Variants in SHISA6 observed in about 807,000 individuals in gnomAD.
SHISA6 encodes protein shisa-6.
Under a neutral mutation model 47.9 loss-of-function variants are expected in SHISA6, and 22 were observed. The ratio of observed to expected loss-of-function variants is 0.46; its 90% CI spans 0.33 to 0.66. SHISA6 has a LOEUF of 0.66. SHISA6 is among the 30% of genes least tolerant of loss of function. SHISA6 has a pLI of 0.02. For missense variants in SHISA6, 680 were observed against 764.6 expected, an observed-to-expected ratio of 0.89 and a Z score of 1.30; for synonymous variants, 388 against 337.8, an observed-to-expected ratio of 1.15 and a Z score of -1.63.
chr17:11,465,675 C>T (rs56198258), intron 3 of SHISA6, among the ~76,000 whole-genome samples: 40,441 of 152,044 alleles, frequency 0.27, 5,557 homozygotes, highest in Middle Eastern at 0.37. Context: ...TCCTGGCCCT[C>T]CTCTGCCTGA....
chr17:11,404,042 T>C (rs766518478), intron 3 of SHISA6, among the ~76,000 whole-genome samples: 1 of 152,082 alleles, frequency 6.6e-6, no homozygotes, highest in Non-Finnish European at 1.5e-5. Flanking sequence ...GAGGTACTGC[T>C]CAAGAACTAG....
intron 3 of SHISA6, among the ~76,000 whole-genome samples, chr17:11,405,179 T>A (rs577563367): frequency 5.9e-5 from 9 of 152,348 alleles, no homozygotes; most frequent in Non-Finnish European, 1.3e-4. Context: ...AAGATAATCC[T>A]GATACACAAC....
chr17:11,348,616 C>G (rs895277564), intron 2 of SHISA6, among the ~76,000 whole-genome samples: 1 of 151,932 alleles, frequency 6.6e-6, no homozygotes, highest in Non-Finnish European at 1.5e-5. Flanking sequence ...AGTTTTATTC[C>G]TTTTATTCTA....
At chr17:11,410,612 T>C (rs1914086745) in intron 3 of SHISA6, among the ~76,000 whole-genome samples, 1 of 137,080 alleles carries the variant, frequency 7.3e-6, no homozygotes, top group African/African-American at 2.8e-5. Context: ...TGACTGATAG[T>C]GTCACTATGG....
At chr17:11,539,563 G>A (rs989314134) in intron 3 of SHISA6, among the ~76,000 whole-genome samples, 6 of 152,210 alleles carry the variant, frequency 3.9e-5, no homozygotes, top group Non-Finnish European at 8.8e-5. Flanking sequence ...CAAACGTGAG[G>A]AAACTCACTG....
rs143486981 is a variant in SHISA6, at chr17:11,500,711, T to C, written c.896-51185T>C. Among the ~76,000 whole-genome samples the C allele has an allele frequency of 8.2e-3, 1,252 of 152,330 alleles. 30 individuals carry two copies. Among genetic ancestry groups the C allele is most frequent in the African/African-American group, 0.028 (1,183 of 41,566 alleles). ...ATTCAAATGAAATCCCATTAAAAAT[T>C]CATTTTCTGAGTTGCATCAGCCACA... On this transcript the variant is annotated intron_variant, in intron 3 of 5. Coordinates refer to ENST00000441885, the MANE Select transcript of SHISA6 (RefSeq NM_207386.4).
rs538785764 is a variant in SHISA6 at position 11,413,176 on chromosome 17, A to G, written c.895+33667A>G. On this transcript the variant is annotated intron_variant, in intron 3 of 5. Coordinates refer to ENST00000441885, the MANE Select transcript of SHISA6 (RefSeq NM_207386.4). ...TGGATTCCATAAATCCCAGGACACT[A>G]TCTCCTTCCGGCATGTCATTCTGTG... Among the ~76,000 whole-genome samples the G allele has an allele frequency of 9.2e-5, 14 of 152,242 alleles. No individual in the cohort carries two copies. The South Asian group carries it at 2.7e-3, about 29-fold the overall frequency.
At chr17:11,491,994 C>T (rs1440414980) in intron 3 of SHISA6, among the ~76,000 whole-genome samples, 1 of 152,126 alleles carries the variant, frequency 6.6e-6, no homozygotes, top group Non-Finnish European at 1.5e-5. Context: ...TGGTCTCGAT[C>T]TCTTGACCTC....
intron 3 of SHISA6, among the ~76,000 whole-genome samples, chr17:11,445,882 C>T (rs1915215762): frequency 2.0e-5 from 3 of 152,190 alleles, no homozygotes; most frequent in Admixed American, 6.5e-5. Context: ...GGCTGGAGGG[C>T]AGTGGTGCAA....
At chr17:11,358,229 T>C (rs959251830) in intron 2 of SHISA6, among the ~76,000 whole-genome samples, 1 of 152,210 alleles carries the variant, frequency 6.6e-6, no homozygotes, top group African/African-American at 2.4e-5. Flanking sequence ...ACTCTTCTGC[T>C]TTCTTTCTCT....
chr17:11,311,736 A>G (rs902789220), intron 2 of SHISA6, among the ~76,000 whole-genome samples: 1 of 152,056 alleles, frequency 6.6e-6, no homozygotes, highest in African/African-American at 2.4e-5. Flanking sequence ...TCTTATTGCT[A>G]GAGATAGCTA....
chr17:11,487,322 C>T (rs1406959351), intron 3 of SHISA6, among the ~76,000 whole-genome samples: 4 of 152,182 alleles, frequency 2.6e-5, no homozygotes, highest in Non-Finnish European at 4.4e-5. Flanking sequence ...CCACTGAATG[C>T]GCCACCTAAA....
At chr17:11,393,761 A>G (rs1249664062) in intron 3 of SHISA6, among the ~76,000 whole-genome samples, 1 of 152,158 alleles carries the variant, frequency 6.6e-6, no homozygotes, top group Non-Finnish European at 1.5e-5. Context: ...AAAGCAAACA[A>G]GGCTCTACAT....
intron 3 of SHISA6, among the ~76,000 whole-genome samples, chr17:11,507,365 C>A (rs1223507097): frequency 3.3e-5 from 5 of 152,130 alleles, no homozygotes; most frequent in Non-Finnish European, 7.4e-5. Context: ...GAGCAGAGCA[C>A]CTCCCCACCC....
intron 3 of SHISA6, among the ~76,000 whole-genome samples, chr17:11,513,473 A>T (rs913784366): frequency 6.6e-6 from 1 of 152,216 alleles, no homozygotes; most frequent in Non-Finnish European, 1.5e-5. Flanking sequence ...AGAAAGATGT[A>T]ACTTTTAAAT....
At chr17:11,438,141 A>C (rs1914991682) in intron 3 of SHISA6, among the ~76,000 whole-genome samples, 1 of 152,166 alleles carries the variant, frequency 6.6e-6, no homozygotes, top group Non-Finnish European at 1.5e-5. Context: ...TTCTTGGTAC[A>C]GGACAGATGC....
In SHISA6 at chr17:11,331,437, GA is replaced by G. The variant is rs368998513; in HGVS notation, c.800-47970del. ...AATAGGATTTACAGCTATGTCTAGA[GA>G]AAAAAATGCAAAGCCTGCTTTGTTT... On this transcript the variant is annotated intron_variant, in intron 2 of 5. Transcript: ENST00000441885. 1.7e-3 allele frequency among the ~76,000 whole-genome samples: 260 copies of G among 152,104 alleles called. 1 individual carries two copies. Among genetic ancestry groups the G allele is most frequent in the African/African-American group, 5.7e-3 (236 of 41,494 alleles).
intron 2 of SHISA6, among the ~76,000 whole-genome samples, chr17:11,306,562 G>T (rs955137512): frequency 6.6e-6 from 1 of 152,192 alleles, no homozygotes; most frequent in Non-Finnish European, 1.5e-5. Flanking sequence ...TGTCCTCTGT[G>T]ACTGCACCTG....
intron 2 of SHISA6, among the ~76,000 whole-genome samples, chr17:11,296,403 G>A (rs749880173): frequency 2.0e-5 from 3 of 152,162 alleles, no homozygotes; most frequent in Non-Finnish European, 4.4e-5. Flanking sequence ...TAGATTTCAA[G>A]GCAAAACCAG....
Sources: allele counts gnomAD v4.1 joint callset (sites outside exome capture counted in the v4.1 genomes callset), GRCh38; gene constraint gnomAD v4.1.1; transcripts MANE v1.5; gene names NCBI Gene and HGNC (gene_info 2026-07-23, HGNC 2026-07-21).